The following BANP variants were observed in gnomAD, a reference collection of about 807,000 sequenced individuals.
BANP encodes protein BANP.
In BANP, 11 loss-of-function variants were observed where a neutral mutation model predicts 68.1. The ratio of observed to expected loss-of-function variants is 0.16; its 90% CI spans 0.10 to 0.27. BANP has a LOEUF of 0.27. Among genes scored for constraint, BANP ranks in the 10% least tolerant of loss-of-function variants. The pLI, the probability that BANP is intolerant of heterozygous loss-of-function variation, is 1.00. For synonymous variants in BANP, 329 were observed against 303.2 expected (o/e 1.09, Z -0.88); for missense variants, 504 against 722.7 (o/e 0.70, Z 3.47).
At chr16:88,068,766 G>A (rs1322300829) in intron 12 of BANP, among the ~76,000 whole-genome samples, 1 of 152,064 alleles carries the variant, frequency 6.6e-6, no homozygotes, top group African/African-American at 2.4e-5. Flanking sequence ...GCCTTGCCCG[G>A]TCTGTTCCCA....
At chr16:88,020,404 C>G (rs2075786573) in intron 7 of BANP, among the ~76,000 whole-genome samples, 1 of 152,246 alleles carries the variant, frequency 6.6e-6, no homozygotes, top group Non-Finnish European at 1.5e-5. Context: ...GTGCTTCCAG[C>G]TTGAAACCCG....
chr16:87,956,300 T>C (rs1039703214), intron 1 of BANP, among the ~76,000 whole-genome samples: 2 of 152,134 alleles, frequency 1.3e-5, no homozygotes, highest in African/African-American at 4.8e-5. Context: ...TTGGGGAAAG[T>C]CAATTTGAGG....
At chr16:88,069,921 G>A (rs576410016) in intron 12 of BANP, among the ~76,000 whole-genome samples, 3 of 151,630 alleles carry the variant, frequency 2.0e-5, no homozygotes, top group Non-Finnish European at 4.4e-5. Flanking sequence ...TGCCTCTGCT[G>A]CCCTGAGACA....
At chr16:88,008,242 G>T (rs2071860879) in intron 6 of BANP, among the ~76,000 whole-genome samples, 2 of 152,206 alleles carry the variant, frequency 1.3e-5, no homozygotes, top group Non-Finnish European at 2.9e-5. Flanking sequence ...CATCTGGGTG[G>T]TTTGCACTTT....
rs1357957069 is a variant in BANP at position 88,003,885 on chromosome 16, G to A, written c.363-410G>A. 4 of 298,032 alleles carry A rather than the reference G, an allele frequency of 1.3e-5. No individual in the cohort carries two copies. In the Admixed American group the frequency reaches 2.0e-4, roughly 15 times the overall value. 18.5% of individuals were successfully genotyped at this position (298,032 alleles called of 1,614,324 possible). A position where few individuals can be genotyped will look rare whatever the true frequency, so the allele number is the denominator to read the frequency against. On this transcript the variant is annotated intron_variant, in intron 4 of 13. Coordinates refer to ENST00000682872, the MANE Select transcript of BANP (RefSeq NM_001386991.1). The surrounding 1 kb of genome is among the most constrained non-coding windows in gnomAD (Gnocchi z 6.1). ...AGATCTGTCCCATAGGAATGAGTTG[G>A]GATGGAGTGACTGAAAATGTCAAGC...
rs531993727 is a variant in BANP, at chr16:88,047,776, A to G, written c.1311+9765A>G. Among the ~76,000 whole-genome samples, 4 of 152,382 alleles carry G rather than the reference A, an allele frequency of 2.6e-5. No individual in the cohort carries two copies. The East Asian group carries it at 7.7e-4, about 29-fold the overall frequency. On this transcript the variant is annotated intron_variant, in intron 11 of 13. Coordinates refer to ENST00000682872, the MANE Select transcript of BANP (RefSeq NM_001386991.1). ...AGAGGATTTAAAATACCAGTGAGCT[A>G]GGAATGTGGTACATAGTGAACTCCT... is the stretch of plus-strand genomic sequence containing the variant.
At chr16:87,995,344 A>G (rs989615580) in intron 4 of BANP, among the ~76,000 whole-genome samples, 27 of 152,280 alleles carry the variant, frequency 1.8e-4, no homozygotes, top group African/African-American at 6.5e-4. Context: ...ACGTCAAACC[A>G]GTTTCTTCTT....
chr16:87,971,808 T>C (rs1385381406), intron 1 of BANP, among the ~76,000 whole-genome samples: 1 of 152,212 alleles, frequency 6.6e-6, no homozygotes, highest in East Asian at 1.9e-4. Context: ...TTTTCCTTTT[T>C]TCGAGACAGG....
chr16:88,033,300 G>A lies in BANP; in HGVS notation c.1200+55G>A, dbSNP rs1027804775. ...GAAAGGGGGCTGCGGGGTGGGCCACGGCAGGGCCATGGCGGCTTCCACCGG... is the reference window on the plus strand; with the variant it reads ...GAAAGGGGGCTGCGGGGTGGGCCACAGCAGGGCCATGGCGGCTTCCACCGG... On this transcript the variant is annotated intron_variant, in intron 9 of 13. Coordinates refer to ENST00000682872, the MANE Select transcript of BANP (RefSeq NM_001386991.1). The A allele has an allele frequency of 2.9e-5, 42 of 1,466,772 alleles. No homozygotes were observed. In the Middle Eastern group the frequency reaches 7.6e-4, roughly 26 times the overall value. 90.9% of individuals were successfully genotyped at this position (1,466,772 alleles called of 1,614,324 possible). A position where few individuals can be genotyped will look rare whatever the true frequency, so the allele number is the denominator to read the frequency against.
chr16:87,970,931 C>T (rs1007856324), intron 1 of BANP, among the ~76,000 whole-genome samples: 5 of 151,180 alleles, frequency 3.3e-5, no homozygotes, highest in African/African-American at 9.7e-5. Flanking sequence ...GCTGGAGAAT[C>T]GCTTGAACCC....
At chr16:88,001,284 G>A (rs1349689972) in intron 4 of BANP, among the ~76,000 whole-genome samples, 2 of 102,810 alleles carry the variant, frequency 1.9e-5, no homozygotes, top group Admixed American at 1.1e-4. Context: ...ACCCAGACAC[G>A]TCAACATGCA....
chr16:87,974,792 G>A (rs1018134541), intron 1 of BANP, among the ~76,000 whole-genome samples: 13 of 152,146 alleles, frequency 8.5e-5, no homozygotes, highest in African/African-American at 3.1e-4. Context: ...AGGGCATGAG[G>A]AACACAGTGG....
chr16:88,073,390 CT>C (rs773156784), intron 13 of BANP, among the ~76,000 whole-genome samples: 49 of 152,108 alleles, frequency 3.2e-4, no homozygotes, highest in Non-Finnish European at 5.6e-4. Flanking sequence ...ACGGTGGCCC[CT>C]GCAGAGGCAC....
chr16:88,071,521 G>A lies in BANP; in HGVS notation c.1378-548G>A, dbSNP rs1356079408. 1 of 456,522 alleles carries A rather than the reference G, an allele frequency of 2.2e-6. No individual in the cohort carries two copies. Among genetic ancestry groups the A allele is most frequent in the Admixed American group, 2.3e-5 (1 of 42,582 alleles). The allele number at this position is 456,522 out of a possible 1,614,324, so 28.3% of individuals were successfully genotyped here. On this transcript the variant is annotated intron_variant, in intron 12 of 13. Coordinates refer to ENST00000682872, the MANE Select transcript of BANP (RefSeq NM_001386991.1). The surrounding 1 kb of genome is among the most constrained non-coding windows in gnomAD (Gnocchi z 6.5). Reference sequence around the variant, plus strand: ...ACCAGGACTCACTTCCGCCCATCTTGGAACTGGGCCTCACTTTCCTGCGAG... The same window carrying A: ...ACCAGGACTCACTTCCGCCCATCTTAGAACTGGGCCTCACTTTCCTGCGAG...
intron 1 of BANP, among the ~76,000 whole-genome samples, chr16:87,973,551 G>C (rs373228609): frequency 1.3e-5 from 2 of 151,896 alleles, no homozygotes; most frequent in African/African-American, 4.8e-5. Context: ...ACCTGAGGTC[G>C]GGAGTTCAAG....
chr16:87,967,904 A>G (rs1188963655), intron 1 of BANP, among the ~76,000 whole-genome samples: 1 of 151,624 alleles, frequency 6.6e-6, no homozygotes, highest in Non-Finnish European at 1.5e-5. Flanking sequence ...TACAGGTGTG[A>G]GCCACCGTGC....
At chr16:88,026,304 C>T (rs114885603) in intron 7 of BANP, among the ~76,000 whole-genome samples, 2,172 of 152,258 alleles carry the variant, frequency 0.014, 46 homozygotes, top group African/African-American at 0.044. Context: ...AGGCCCTGCC[C>T]GTAAGGAGTT....
intron 9 of BANP, among the ~76,000 whole-genome samples, chr16:88,033,495 C>G (rs2078649106): frequency 6.6e-6 from 1 of 152,210 alleles, no homozygotes; most frequent in African/African-American, 2.4e-5. Context: ...GTCAGCTCAC[C>G]TCAGTCCTGC....
intron 13 of BANP, among the ~76,000 whole-genome samples, chr16:88,075,854 C>T (rs564864319): frequency 4.8e-5 from 7 of 145,912 alleles, no homozygotes; most frequent in African/African-American, 1.3e-4. Flanking sequence ...TCAAGTGATT[C>T]TCCTACCTCA....
Sources: gnomAD v4.1 joint callset for allele counts (sites outside exome capture counted in the v4.1 genomes callset) on GRCh38, gnomAD v4.1.1 for gene constraint, Gnocchi (gnomAD v3.1) non-coding constraint, MANE v1.5 for transcripts, NCBI Gene and HGNC (gene_info 2026-07-23, HGNC 2026-07-21) for gene names.